Variants in MXD4 observed in about 807,000 individuals in gnomAD.
MXD4 encodes Mad4 homolog.
MXD4 carries 16 observed loss-of-function variants against 24.5 expected under a neutral mutation model. The ratio of observed to expected loss-of-function variants is 0.65; its 90% confidence interval spans 0.44 to 0.99. MXD4 has a LOEUF of 0.99. MXD4 is among the 50% of genes least tolerant of loss of function. The probability of loss-of-function intolerance (pLI) is 0.00; values close to 1 mark genes in which losing one functional copy is unlikely to be tolerated. For synonymous variants in MXD4, 164 were observed against 134.2 expected (o/e 1.22, Z -1.54); for missense variants, 301 against 301.5 (o/e 1.00, Z 0.01).
chr4:2,261,643 G>A (rs974557281), intron 2 of MXD4, 82 bp downstream of exon 2: 36 of 834,404 alleles, frequency 4.3e-5, no homozygotes, highest in Admixed American at 5.4e-5. Flanking sequence ...CGCGGGCCGG[G>A]AATCGGGGCC....
rs555115351 is a variant in MXD4, at chr4:2,251,068, G to GCGCCCCA, written c.472+9_472+15dup. The GCGCCCCA allele has an allele frequency of 2.9e-3, 4,522 of 1,545,480 alleles. 14 individuals carry two copies. The highest frequency in any genetic ancestry group is 7.3e-3 in the Middle Eastern group (32 of 4,382). On this transcript the variant is annotated intron_variant, in intron 5 of 5. Coordinates refer to ENST00000337190, the MANE Select transcript of MXD4 (RefSeq NM_006454.3). ...CCGGAGGCCCAGGTGAGGCTGCCCC[G>GCGCCCCA]CGCCCCACGCCCCACCTTGCTCTGA...
At position 2,249,726 on chromosome 4, in the gene MXD4, T is replaced by G. The variant is rs1214068939; in HGVS notation, c.*818A>C. On this transcript the variant is annotated 3_prime_UTR_variant, in exon 6 of 6. Transcript: ENST00000337190. ...GGCAGGACTACTGGGTGGGCGTGGG[T>G]GAGCAGGAGCTAGAGGGGGATCCAG... The G allele has an allele frequency of 2.6e-5, 4 of 152,130 alleles. No homozygotes were observed. The highest frequency in any genetic ancestry group is 9.7e-5 in the African/African-American group (4 of 41,408). 9.4% of individuals were successfully genotyped at this position (152,130 alleles called of 1,614,324 possible).
chr4:2,254,170 C>A (rs1230784310), intron 3 of MXD4: 2 of 151,680 alleles, frequency 1.3e-5, no homozygotes, highest in African/African-American at 4.8e-5. Flanking sequence ...CTCTGTAGAA[C>A]AATTTAAAAA....
Position 2,259,472 on chromosome 4 carries a change from G to C in MXD4, c.165-1461C>G, listed in dbSNP as rs552548957. ...CCAGCGTTTCTGCTTCCCCAGAATA[G>C]GCAGGCCGCAGGAATGAGCCGTACT... On this transcript the variant is annotated intron_variant, in intron 2 of 5. Transcript: ENST00000337190. Among the ~76,000 whole-genome samples, 3 of 152,362 alleles carry C rather than the reference G, an allele frequency of 2.0e-5. No homozygotes were observed. In the East Asian group the frequency reaches 5.8e-4, roughly 29 times the overall value.
chr4:2,260,747 C>T (rs943800193), intron 2 of MXD4, among the ~76,000 whole-genome samples: 10 of 152,340 alleles, frequency 6.6e-5, no homozygotes, highest in Middle Eastern at 3.4e-3. Context: ...TTTCGGATTC[C>T]CTAGAACAGG....
rs1024445001 is a variant in MXD4, at chr4:2,251,070, G to A, written c.472+14C>T. On this transcript the variant is annotated intron_variant, in intron 5 of 5. Transcript: ENST00000337190. ...GGAGGCCCAGGTGAGGCTGCCCCGC[G>A]CCCCACGCCCCACCTTGCTCTGAGT... 10 of 1,548,062 alleles carry A rather than the reference G, an allele frequency of 6.5e-6. No individual in the cohort carries two copies. Among genetic ancestry groups the A allele is most frequent in the East Asian group, 2.3e-5 (1 of 42,696 alleles).
chr4:2,249,263 G>C lies in MXD4; in HGVS notation c.*1281C>G, dbSNP rs554880503. On this transcript the variant is annotated 3_prime_UTR_variant, in exon 6 of 6. Transcript: ENST00000337190. Reference sequence around the variant, plus strand: ...GGGCAAGGCCTGACACAAGACACAAGGCACACTTTGACGACGTGACGGAGG... The same window carrying C: ...GGGCAAGGCCTGACACAAGACACAACGCACACTTTGACGACGTGACGGAGG... The C allele has an allele frequency of 4.6e-5, 7 of 152,718 alleles. No individual in the cohort carries two copies. Among genetic ancestry groups the C allele is most frequent in the Non-Finnish European group, 1.0e-4 (7 of 68,070 alleles). 9.5% of individuals were successfully genotyped at this position (152,718 alleles called of 1,614,324 possible).
Position 2,250,442 on chromosome 4 carries a change from C to T in MXD4, c.*102G>A. 1 of 1,355,220 alleles carries T rather than the reference C, an allele frequency of 7.4e-7. No homozygotes were observed. The allele number at this position is 1,355,220 out of a possible 1,614,324, so 83.9% of individuals were successfully genotyped here. The stretch of plus-strand genomic sequence containing the variant: ...AGCAGCTGGAGCTTCCAGAATGGCA[C>T]AGCAGTGGGCCTGTGGAGAGGCTGG... On this transcript the variant is annotated 3_prime_UTR_variant, in exon 6 of 6. Coordinates refer to ENST00000337190, the MANE Select transcript of MXD4 (RefSeq NM_006454.3).
Position 2,255,289 on chromosome 4 carries a change from C to T in MXD4, c.194+2693G>A, listed in dbSNP as rs757061394. On this transcript the variant is annotated intron_variant, in intron 3 of 5. Coordinates refer to ENST00000337190, the MANE Select transcript of MXD4 (RefSeq NM_006454.3). The stretch of plus-strand genomic sequence containing the variant: ...GCTCAGCCTCTGAGTGCCTGGGATG[C>T]GGTCTCTGGGGTGGGGTGCAGGGGA... 18 of 455,848 alleles carry T rather than the reference C, an allele frequency of 3.9e-5. 1 individual carries two copies. The highest frequency in any genetic ancestry group is 2.6e-4 in the South Asian group (17 of 64,528). The allele number at this position is 455,848 out of a possible 1,614,324, so 28.2% of individuals were successfully genotyped here. A position where few individuals can be genotyped will look rare whatever the true frequency, so the allele number is the denominator to read the frequency against.
chr4:2,253,639 A>G (rs1735366332), intron 3 of MXD4: 1 of 152,154 alleles, frequency 6.6e-6, no homozygotes, highest in Admixed American at 6.5e-5. Context: ...CAGCCTTGGC[A>G]TGTCTGCTCC....
In MXD4 at chr4:2,257,966, C is replaced by G; in HGVS notation, c.194+16G>C. On this transcript the variant is annotated intron_variant, in intron 3 of 5. Transcript: ENST00000337190. ...CCAGGTGTCGGGCTCATGTGGGGAA[C>G]TGGGGGGTCACTTACCTGTGCTTTT... 6.2e-7 allele frequency: 1 copy of G among 1,613,662 alleles called. No individual in the cohort carries two copies. Among genetic ancestry groups the G allele is most frequent in the Non-Finnish European group, 8.5e-7 (1 of 1,179,922 alleles).
chr4:2,255,096 C>T (rs1380498319), intron 3 of MXD4: 4 of 362,046 alleles, frequency 1.1e-5, no homozygotes, highest in Non-Finnish European at 2.2e-5. Flanking sequence ...GTGTCCTGTG[C>T]AGTCATCAGG....
intron 2 of MXD4, 73 bp from the exon 3 acceptor site, chr4:2,258,084 T>G: frequency 6.3e-7 from 1 of 1,580,650 alleles, no homozygotes. Flanking sequence ...AGTGCTCTCC[T>G]AGGGGGCCAG....
chr4:2,258,945 T>TCTGC (rs1560115090), intron 2 of MXD4: 1 of 456,112 alleles, frequency 2.2e-6, no homozygotes, highest in Admixed American at 2.3e-5. Flanking sequence ...TGCCACAGCA[T>TCTGC]CTGCCTGGAG....
At chr4:2,254,220 A>G (rs915842083) in intron 3 of MXD4, 1 of 152,244 alleles carries the variant, frequency 6.6e-6, no homozygotes, top group Non-Finnish European at 1.5e-5. Flanking sequence ...AAAAAAATTA[A>G]AAGTACCCCC....
chr4:2,261,500 G>C (rs1380478761), intron 2 of MXD4, among the ~76,000 whole-genome samples: 1 of 150,948 alleles, frequency 6.6e-6, no homozygotes, highest in Non-Finnish European at 1.5e-5. Context: ...GTTTACGCGA[G>C]CGGCCCGGGA....
At chr4:2,253,821 C>T (rs1180044184) in intron 3 of MXD4, 2 of 152,364 alleles carry the variant, frequency 1.3e-5, no homozygotes, top group East Asian at 3.9e-4. Flanking sequence ...GGGCCAAGAT[C>T]CTCAACGTCT....
At chr4:2,261,027 T>C (rs1041966002) in intron 2 of MXD4, among the ~76,000 whole-genome samples, 1 of 152,172 alleles carries the variant, frequency 6.6e-6, no homozygotes, top group African/African-American at 2.4e-5. Flanking sequence ...CTGGCACCCG[T>C]AGTAACGACT....
chr4:2,261,684 T>A (rs1349517852), intron 2 of MXD4, 41 bp downstream of exon 2: 8 of 1,166,534 alleles, frequency 6.9e-6, no homozygotes, highest in Non-Finnish European at 8.7e-6. Flanking sequence ...GGGGCGGGGG[T>A]TCGGACCGGG....
Sources: gnomAD v4.1 joint callset for allele counts (sites outside exome capture counted in the v4.1 genomes callset) on GRCh38, gnomAD v4.1.1 for gene constraint, MANE v1.5 for transcripts, NCBI Gene and HGNC (gene_info 2026-07-23, HGNC 2026-07-21) for gene names.